Variants in DAPK1 observed in about 807,000 individuals in gnomAD.
The protein encoded by DAPK1 is death-associated protein kinase 1.
A neutral mutation model predicts 144.9 loss-of-function variants in DAPK1; 56 were observed. That is an observed-to-expected ratio of 0.39 (90% CI 0.31 to 0.48). DAPK1 has a LOEUF of 0.48. Among genes scored for constraint, DAPK1 ranks in the 20% least tolerant of loss-of-function variants. DAPK1 has a pLI of 0.95. For missense variants in DAPK1, 1,454 were observed against 1,875.4 expected, an observed-to-expected ratio of 0.78 and a Z score of 4.15; for synonymous variants, 690 against 749.0, an observed-to-expected ratio of 0.92 and a Z score of 1.29.
chr9:87,500,896 T>C (rs191410359), intron 2 of DAPK1, among the ~76,000 whole-genome samples: 9 of 152,326 alleles, frequency 5.9e-5, no homozygotes, highest in Admixed American at 4.6e-4. Flanking sequence ...ACTGGAAGTC[T>C]GAAGTTTTTA....
intron 2 of DAPK1, among the ~76,000 whole-genome samples, chr9:87,500,976 T>C (rs1824367741): frequency 6.6e-6 from 1 of 152,170 alleles, no homozygotes; most frequent in Non-Finnish European, 1.5e-5. Flanking sequence ...GAGTGAATGA[T>C]TGTTTTTTGG....
intron 15 of DAPK1, among the ~76,000 whole-genome samples, chr9:87,649,544 G>T (rs1457073445): frequency 6.6e-6 from 1 of 152,186 alleles, no homozygotes; most frequent in East Asian, 1.9e-4. Context: ...AGTCAGCGAG[G>T]CACTTATTAG....
chr9:87,510,557 C>T (rs1465428484), intron 2 of DAPK1, among the ~76,000 whole-genome samples: 2 of 152,232 alleles, frequency 1.3e-5, no homozygotes, highest in Non-Finnish European at 2.9e-5. Flanking sequence ...TAACTGGCCA[C>T]TTGGCATTCT....
chr9:87,575,885 G>A (rs976076477), intron 2 of DAPK1, among the ~76,000 whole-genome samples: 1 of 152,198 alleles, frequency 6.6e-6, no homozygotes, highest in Non-Finnish European at 1.5e-5. Context: ...GTGCTCCCTG[G>A]CAAGGGAAGT....
chr9:87,599,649 G>A (rs1292870397), intron 2 of DAPK1, among the ~76,000 whole-genome samples: 2 of 152,122 alleles, frequency 1.3e-5, no homozygotes, highest in Non-Finnish European at 2.9e-5. Context: ...TTAATGTGAT[G>A]TCTATATCTA....
intron 20 of DAPK1, among the ~76,000 whole-genome samples, chr9:87,683,283 A>G (rs901690692): frequency 1.3e-5 from 2 of 152,150 alleles, no homozygotes; most frequent in East Asian, 3.9e-4. Context: ...AGGTTTCACC[A>G]TATTGGCCAG....
At chr9:87,638,218 T>G (rs1829970273) in intron 4 of DAPK1, 137 bp downstream of exon 4, 1 of 956,140 alleles carries the variant, frequency 1.0e-6, no homozygotes, top group East Asian at 2.6e-5. Flanking sequence ...AATATCACTA[T>G]AAATCGGCAA....
At chr9:87,618,210 A>G (rs1829168052) in intron 3 of DAPK1, among the ~76,000 whole-genome samples, 1 of 152,250 alleles carries the variant, frequency 6.6e-6, no homozygotes, top group Non-Finnish European at 1.5e-5. Flanking sequence ...AGTAGGATCT[A>G]TAACTCAGAA....
Position 87,703,168 on chromosome 9 carries a change from G to A in DAPK1, c.3011G>A (p.Ser1004Asn). ...CAGGACCAGCTGAACCCCCTGGCCA[G>A]CGAGGAGGACCTCAGGCGCATTGCT... Reference protein sequence around the residue: ...DVQDQLNPLASEEDLRRIAQQ... With the variant: ...DVQDQLNPLANEEDLRRIAQQ... The change falls in exon 25 of 26, where the codon AGC becomes AAC. Residue 1004 changes from serine to asparagine, a missense_variant. This residue lies in a region of DAPK1 where 1,025 missense variants were observed against 1,237.9 expected (regional missense o/e 0.83). Coordinates refer to ENST00000408954, the MANE Select transcript of DAPK1 (RefSeq NM_004938.4). 5 of 1,613,052 alleles carry A rather than the reference G, an allele frequency of 3.1e-6. No homozygotes were observed. The highest frequency in any genetic ancestry group is 4.2e-6 in the Non-Finnish European group (5 of 1,178,972).
intron 2 of DAPK1, among the ~76,000 whole-genome samples, chr9:87,581,207 C>T (rs904191821): frequency 7.2e-5 from 11 of 152,208 alleles, no homozygotes; most frequent in South Asian, 2.1e-4. Flanking sequence ...ACCTCTGTTC[C>T]TTGGACACAC....
chr9:87,663,481 T>C (rs1162587651), intron 18 of DAPK1, among the ~76,000 whole-genome samples: 1 of 152,100 alleles, frequency 6.6e-6, no homozygotes, highest in African/African-American at 2.4e-5. Flanking sequence ...TTGTTATCTT[T>C]CCACCCAAGC....
intron 2 of DAPK1, chr9:87,554,402 G>A (rs1309442528): frequency 6.6e-6 from 1 of 152,000 alleles, no homozygotes; most frequent in Non-Finnish European, 1.5e-5. Context: ...ATAATTATGG[G>A]ATTGTGCAAT....
chr9:87,694,422 T>C (rs201912319), intron 21 of DAPK1, among the ~76,000 whole-genome samples: 1 of 152,132 alleles, frequency 6.6e-6, no homozygotes, highest in East Asian at 1.9e-4. Flanking sequence ...TCAGCAGGCC[T>C]GTCGTCAGGT....
At chr9:87,609,656 A>G (rs2118984303) in intron 3 of DAPK1, among the ~76,000 whole-genome samples, 1 of 152,348 alleles carries the variant, frequency 6.6e-6, no homozygotes, top group East Asian at 1.9e-4. Context: ...TCAGTGACAG[A>G]TTCCATTTCC....
intron 2 of DAPK1, among the ~76,000 whole-genome samples, chr9:87,518,278 ATTTTTTTT>A (rs1188386875): frequency 8.0e-6 from 1 of 124,590 alleles, no homozygotes; most frequent in Non-Finnish European, 1.7e-5. Context: ...CACCCAGCTA[ATTTTTTTT>A]TTTTTTTTTT....
chr9:87,625,914 AT>A (rs1429683971), intron 3 of DAPK1, among the ~76,000 whole-genome samples: 1 of 152,220 alleles, frequency 6.6e-6, no homozygotes, highest in Non-Finnish European at 1.5e-5. Flanking sequence ...TATCCAGAAT[AT>A]GTAAGGAGTA....
chr9:87,598,876 C>A (rs1441368136), intron 2 of DAPK1, among the ~76,000 whole-genome samples: 1 of 152,218 alleles, frequency 6.6e-6, no homozygotes, highest in Admixed American at 6.5e-5. Context: ...CTGATTGTTA[C>A]TAGAATGCTT....
rs114377569 is a variant in DAPK1 at position 87,552,162 on chromosome 9, T to C, written c.63-52792T>C. On this transcript the variant is annotated intron_variant, in intron 2 of 25. Coordinates refer to ENST00000408954, the MANE Select transcript of DAPK1 (RefSeq NM_004938.4). The stretch of plus-strand genomic sequence containing the variant: ...GGGTCCCACAGCTTCCAGGAGCCAG[T>C]AGGGAGCCCAGAGCCTGGCAAGGCC... 6.6e-3 allele frequency among the ~76,000 whole-genome samples: 1,009 copies of C among 151,880 alleles called. 8 individuals carry two copies. Among genetic ancestry groups the C allele is most frequent in the African/African-American group, 0.023 (968 of 41,422 alleles).
At chr9:87,632,254 G>A in intron 3 of DAPK1, 1 of 982,438 alleles carries the variant, frequency 1.0e-6, no homozygotes, top group Non-Finnish European at 1.2e-6. Context: ...GGAGTGAAGG[G>A]TGATCAGTAT....
Sources: gnomAD v4.1 joint callset for allele counts (sites outside exome capture counted in the v4.1 genomes callset) on GRCh38, gnomAD v4.1.1 for gene constraint, gnomAD v4.1.1 regional missense constraint, MANE v1.5 for transcripts, NCBI Gene and HGNC (gene_info 2026-07-23, HGNC 2026-07-21) for gene names.